The following GABRR2 variants were observed in gnomAD, a reference collection of about 807,000 sequenced individuals.
GABRR2 encodes gamma-aminobutyric acid receptor subunit rho-2.
In GABRR2, 36 loss-of-function variants were observed where a neutral mutation model predicts 47.0. The observed-to-expected ratio is 0.77, with a 90% CI of 0.59 to 1.01. The LOEUF (loss-of-function observed/expected upper bound fraction) is 1.01. GABRR2 is among the 50% of genes least tolerant of loss of function. The pLI, the probability that GABRR2 is intolerant of heterozygous loss-of-function variation, is 0.00. For synonymous variants in GABRR2, 204 were observed against 227.5 expected (o/e 0.90, Z 0.93); for missense variants, 587 against 594.6 (o/e 0.99, Z 0.13).
intron 6 of GABRR2, among the ~76,000 whole-genome samples, chr6:89,266,134 C>T (rs1264637784): frequency 6.6e-6 from 1 of 152,202 alleles, no homozygotes; most frequent in Non-Finnish European, 1.5e-5. Flanking sequence ...ACACTCACAG[C>T]TCACTGCAGC....
chr6:89,266,067 G>T (rs1773888077), intron 6 of GABRR2, among the ~76,000 whole-genome samples: 1 of 152,042 alleles, frequency 6.6e-6, no homozygotes, highest in Non-Finnish European at 1.5e-5. Context: ...TTGGGTTTTT[G>T]TTTGTTTGTT....
intron 2 of GABRR2, among the ~76,000 whole-genome samples, chr6:89,286,196 G>A (rs149714344): frequency 2.6e-5 from 4 of 152,318 alleles, no homozygotes; most frequent in East Asian, 1.9e-4. Flanking sequence ...ACAGTTAGAC[G>A]TGGAATCTAA....
At position 89,268,025 on chromosome 6, in the gene GABRR2, TC is replaced by T; in HGVS notation, c.583del (p.Glu195SerfsTer12). On this transcript the variant is annotated frameshift_variant, in exon 5 of 9. Transcript: ENST00000402938. LOFTEE classifies it high-confidence loss of function. Reference protein sequence around the residue: ...FPLDSQTCSLELESYAYTDED... With the variant: ...FPLDSQTCSLXLESYAYTDED... The stretch of plus-strand genomic sequence containing the variant: ...ATGCTGATACTTACAGCTCTCCAGC[TC>T]CAAAGAACAGGTCTGGGAGTCCAGG... 1 of 1,611,682 alleles carries T rather than the reference TC, an allele frequency of 6.2e-7. No individual in the cohort carries two copies. The highest frequency in any genetic ancestry group is 1.1e-5 in the South Asian group (1 of 90,628).
At chr6:89,276,496 A>C (rs1407511769) in intron 2 of GABRR2, among the ~76,000 whole-genome samples, 1 of 152,158 alleles carries the variant, frequency 6.6e-6, no homozygotes, top group Non-Finnish European at 1.5e-5. Context: ...AATGAATAGA[A>C]GGGAATTTTC....
Position 89,257,908 on chromosome 6 carries a change from T to C in GABRR2, c.1160A>G (p.Asn387Ser). The C allele has an allele frequency of 6.2e-7, 1 of 1,614,054 alleles. No homozygotes were observed. Among genetic ancestry groups the C allele is most frequent in the Non-Finnish European group, 8.5e-7 (1 of 1,179,896 alleles). ...GCTTCTGGGGTACCCAGCCAGGCTG[T>C]TGGCCTCAGACTCACTGTAGCTTCC... ...LDGSYSESEANSLAGYPRSHI... is the reference protein window; with the variant it reads ...LDGSYSESEASSLAGYPRSHI... The change falls in exon 9 of 9, where the codon AAC becomes AGC. Residue 387 changes from asparagine (N) to serine (S), a missense_variant. Physicochemically the swap from Asn to Ser is conservative, Grantham distance 46. Transcript: ENST00000402938.
At position 89,315,070 on chromosome 6, in the gene GABRR2, C is replaced by T. The variant is rs1294936499; in HGVS notation, c.96G>A (p.Val32=). 6.2e-7 allele frequency: 1 copy of T among 1,613,438 alleles called. No homozygotes were observed. Among genetic ancestry groups the T allele is most frequent in the African/African-American group, 1.3e-5 (1 of 74,898 alleles). The part of the protein sequence containing the change: ...KPKRKRWTGQ[V]EMPKPSHLYK... ...GACTTTACCTTGGCTTGGGCATTTC[C>T]ACCTGCCCTGTCCATCGCTTCCTCT... is the stretch of plus-strand genomic sequence containing the variant. The change falls in exon 1 of 9, where the codon GTG becomes GTA. Residue 32 remains valine (V), a synonymous_variant. Transcript: ENST00000402938.
intron 8 of GABRR2, among the ~76,000 whole-genome samples, chr6:89,259,678 A>C (rs1009832639): frequency 2.6e-5 from 4 of 151,010 alleles, no homozygotes; most frequent in Non-Finnish European, 5.9e-5. Flanking sequence ...TAATTTTTGT[A>C]TTTTTAGTAG....
chr6:89,265,674 G>A lies in GABRR2; in HGVS notation c.828C>T (p.Val276=). 6.2e-7 allele frequency: 1 copy of A among 1,614,188 alleles called. No homozygotes were observed. Among genetic ancestry groups the A allele is most frequent in the Non-Finnish European group, 8.5e-7 (1 of 1,180,024 alleles). The change falls in exon 7 of 9, where the codon GTC becomes GTT. Residue 276 remains valine (V), a synonymous_variant. Transcript: ENST00000402938. The part of the protein sequence containing the change: ...LQTYFPATLM[V]MLSWVSFWID... ...TCCAGAAGGACACCCAGGACAGCAT[G>A]ACCATCAGAGTGGCAGGGAAATATG... is the stretch of plus-strand genomic sequence containing the variant.
chr6:89,284,958 G>A (rs890746821), intron 2 of GABRR2, among the ~76,000 whole-genome samples: 3 of 152,150 alleles, frequency 2.0e-5, no homozygotes, highest in South Asian at 2.1e-4. Flanking sequence ...CTACCTCAGC[G>A]TAACATTCAA....
chr6:89,281,835 A>T (rs1283427104), intron 2 of GABRR2, among the ~76,000 whole-genome samples: 1 of 152,070 alleles, frequency 6.6e-6, no homozygotes, highest in Non-Finnish European at 1.5e-5. Flanking sequence ...TGGCAAATCC[A>T]TGGTCCTCTG....
intron 2 of GABRR2, among the ~76,000 whole-genome samples, chr6:89,283,254 TC>T (rs1774282132): frequency 6.6e-6 from 1 of 152,164 alleles, no homozygotes; most frequent in Non-Finnish European, 1.5e-5. Context: ...CAATAGGTGT[TC>T]TTTATCAAGA....
chr6:89,257,670 C>T lies in GABRR2; in HGVS notation c.1398G>A (p.Ter466=). 1 of 1,609,084 alleles carries T rather than the reference C, an allele frequency of 6.2e-7. No individual in the cohort carries two copies. The highest frequency in any genetic ancestry group is 8.5e-7 in the Non-Finnish European group (1 of 1,177,194). Residue 466 remains the stop codon, a stop_retained_variant, in exon 9 of 9, where the codon TAG becomes TAA. Transcript: ENST00000402938. ...FNLIYWSVFS[*] ...TCTTCTAGGAACAGCCTTGGAGCCC[C>T]TAGGAAAACACTGACCAATAAATTA...
intron 2 of GABRR2, among the ~76,000 whole-genome samples, chr6:89,274,952 T>G (rs1582446732): frequency 1.3e-5 from 2 of 152,116 alleles, no homozygotes; most frequent in East Asian, 3.9e-4. Flanking sequence ...CTGGTGAGAT[T>G]TCAGGCAGTG....
intron 2 of GABRR2, among the ~76,000 whole-genome samples, chr6:89,296,990 C>T (rs115475800): frequency 1.3e-5 from 2 of 152,208 alleles, no homozygotes; most frequent in South Asian, 4.1e-4. Context: ...AGGTGATGGC[C>T]CAGGCTCCTG....
chr6:89,267,410 T>A (rs994770142), intron 6 of GABRR2, among the ~76,000 whole-genome samples: 11 of 152,074 alleles, frequency 7.2e-5, no homozygotes, highest in African/African-American at 2.2e-4. Flanking sequence ...TACAAAAAAA[T>A]TTTAAAAATT....
chr6:89,267,678 C>G lies in GABRR2; in HGVS notation c.736+1G>C. The G allele has an allele frequency of 1.2e-6, 2 of 1,610,808 alleles. No individual in the cohort carries two copies. The highest frequency in any genetic ancestry group is 1.1e-5 in the South Asian group (1 of 90,278). On this transcript the variant is annotated splice_donor_variant, in intron 6 of 8. Transcript: ENST00000402938. LOFTEE classifies it high-confidence loss of function. ...ATCAGATTGTGGCAAAAGATAGCTACCAGTGCTGCTGTAGAAGGCCAGCCT... is the reference window on the plus strand; with the variant it reads ...ATCAGATTGTGGCAAAAGATAGCTAGCAGTGCTGCTGTAGAAGGCCAGCCT...
At chr6:89,269,508 G>A (rs997334082) in intron 3 of GABRR2, among the ~76,000 whole-genome samples, 4 of 152,232 alleles carry the variant, frequency 2.6e-5, no homozygotes, top group African/African-American at 9.6e-5. Context: ...AGCCTGGCCT[G>A]GTGGCCAGTG....
At position 89,254,478 on chromosome 6, in the gene GABRR2, C is replaced by A. The variant is rs1467996552; in HGVS notation, c.*3192G>T. 6.6e-6 allele frequency among the ~76,000 whole-genome samples: 1 copy of A among 152,066 alleles called. No individual in the cohort carries two copies. The highest frequency in any genetic ancestry group is 1.5e-5 in the Non-Finnish European group (1 of 68,006). ...CCAATCACCAGTTTTTGTATAAAAC[C>A]CATTTCTTTTATTGTAACATTAACA... is the stretch of plus-strand genomic sequence containing the variant. On this transcript the variant is annotated 3_prime_UTR_variant, in exon 9 of 9. Coordinates refer to ENST00000402938, the MANE Select transcript of GABRR2 (RefSeq NM_002043.5).
intron 2 of GABRR2, among the ~76,000 whole-genome samples, chr6:89,273,689 G>A (rs1774103680): frequency 6.6e-6 from 1 of 152,184 alleles, no homozygotes; most frequent in Non-Finnish European, 1.5e-5. Flanking sequence ...TGGGCAGCCT[G>A]GCCAGAGCTG....
Sources: gnomAD v4.1 joint callset for allele counts (sites outside exome capture counted in the v4.1 genomes callset) on GRCh38, gnomAD v4.1.1 for gene constraint, MANE v1.5 for transcripts, NCBI Gene and HGNC (gene_info 2026-07-23, HGNC 2026-07-21) for gene names.